Variants in TRMT2B observed in about 807,000 individuals in gnomAD.
TRMT2B encodes tRNA (uracil-5-)-methyltransferase homolog B.
TRMT2B carries 34 observed loss-of-function variants against 39.7 expected under a neutral mutation model. The observed-to-expected ratio is 0.86, with a 90% CI of 0.65 to 1.14. The LOEUF (loss-of-function observed/expected upper bound fraction) is 1.14. Among genes scored for constraint, TRMT2B ranks in the 50% most tolerant of loss-of-function variants. The pLI, the probability that TRMT2B is intolerant of heterozygous loss-of-function variation, is 0.00. For missense variants in TRMT2B, 318 were observed against 377.2 expected (o/e 0.84, Z 1.30); for synonymous variants, 132 against 137.3 (o/e 0.96, Z 0.27).
chrX:101,006,289 C>A (rs965944567), downstream of TRMT2B, among the ~76,000 whole-genome samples: 1 of 111,398 alleles, frequency 9.0e-6, no homozygotes, highest in African/African-American at 3.3e-5. Context: ...GGTATAAACT[C>A]CTTATCTTTT....
the TRMT2B span, chrX:100,986,717 C>T: frequency 1.1e-5 from 7 of 618,552 alleles, 1 homozygote; most frequent in South Asian, 2.3e-4. Flanking sequence ...CCTCCTCTTT[C>T]CCTTCTTTTC....
At chrX:100,997,494 T>C in the TRMT2B span, among the ~76,000 whole-genome samples, 1 of 111,743 alleles carries the variant, frequency 8.9e-6, no homozygotes, top group Non-Finnish European at 1.9e-5. Flanking sequence ...TAATTCAGGA[T>C]CCCATACAAC....
At chrX:100,992,141 C>A in the TRMT2B span, among the ~76,000 whole-genome samples, 1 of 110,717 alleles carries the variant, frequency 9.0e-6, no homozygotes, top group South Asian at 3.9e-4. Flanking sequence ...ATCATACATA[C>A]CCACAAAATG....
intron 4 of TRMT2B, among the ~76,000 whole-genome samples, chrX:101,039,091 C>T (rs868416902): frequency 4.6e-5 from 5 of 107,740 alleles, no homozygotes; most frequent in African/African-American, 1.7e-4. Context: ...TTTTTTGAGA[C>T]GGAGTCTCAC....
intron 2 of TRMT2B, among the ~76,000 whole-genome samples, chrX:101,048,651 C>T (rs896111451): frequency 4.5e-5 from 5 of 111,636 alleles, no homozygotes; most frequent in African/African-American, 1.6e-4. Context: ...TGTTGGCCAC[C>T]CTGGTCTCGA....
chrX:101,033,081 C>A (rs904141887), intron 7 of TRMT2B, among the ~76,000 whole-genome samples: 4 of 107,371 alleles, frequency 3.7e-5, no homozygotes, highest in Non-Finnish European at 7.7e-5. Context: ...CATGGTGAAA[C>A]CCCATCTCTA....
At chrX:100,996,778 G>C in the TRMT2B span, among the ~76,000 whole-genome samples, 1 of 110,610 alleles carries the variant, frequency 9.0e-6, no homozygotes, top group Non-Finnish European at 1.9e-5. Flanking sequence ...CAGGCATGTT[G>C]GCACATGCCT....
chrX:101,049,486 CCAAAAAA>C (rs1301102774), intron 2 of TRMT2B, among the ~76,000 whole-genome samples: 1 of 43,028 alleles, frequency 2.3e-5, no homozygotes, highest in African/African-American at 1.4e-4. Flanking sequence ...GACCCTGTCT[CCAAAAAA>C]AAAAAAAAAA....
chrX:100,999,766 A>G, the TRMT2B span, among the ~76,000 whole-genome samples: 1 of 112,094 alleles, frequency 8.9e-6, no homozygotes, highest in Non-Finnish European at 1.9e-5. Flanking sequence ...ACCCTGACTG[A>G]CTGCAAATTA....
At chrX:101,018,272 G>A (rs1222409152) in intron 13 of TRMT2B, among the ~76,000 whole-genome samples, 2 of 109,999 alleles carry the variant, frequency 1.8e-5, no homozygotes, top group African/African-American at 3.3e-5. Context: ...AGCCCCAGGA[G>A]GTCAAGACTT....
the TRMT2B span, chrX:100,985,669 C>T: frequency 8.3e-7 from 1 of 1,207,666 alleles, no homozygotes; most frequent in Non-Finnish European, 1.1e-6. Context: ...ATGCACAGTA[C>T]TTCCCAGTAA....
chrX:100,974,810 G>C, the TRMT2B span, among the ~76,000 whole-genome samples: 1 of 111,879 alleles, frequency 8.9e-6, no homozygotes, highest in Non-Finnish European at 1.9e-5. Context: ...ACCAATCAAA[G>C]AAGCCAGCAC....
chrX:100,984,455 A>T, the TRMT2B span, among the ~76,000 whole-genome samples: 1 of 110,729 alleles, frequency 9.0e-6, no homozygotes, highest in African/African-American at 3.3e-5. Flanking sequence ...ACCGTTTTCA[A>T]CTCCATTTCT....
At chrX:100,986,328 T>C in the TRMT2B span, among the ~76,000 whole-genome samples, 1 of 111,443 alleles carries the variant, frequency 9.0e-6, no homozygotes, top group African/African-American at 3.3e-5. Flanking sequence ...TCTGATCAGA[T>C]TGCTCAAAAG....
At position 101,018,594 on chromosome X, in the gene TRMT2B, C is replaced by T. The variant is rs752193788; in HGVS notation, c.1388+377G>A. 1.4e-4 allele frequency among the ~76,000 whole-genome samples: 15 copies of T among 110,004 alleles called. No homozygotes were observed. In the South Asian group the frequency reaches 1.6e-3, roughly 12 times the overall value. ...CCACCCGAGTAGCTGGGATTACAGG[C>T]GCACGCCACCATGCCCAGCTAATCT... On this transcript the variant is annotated intron_variant, in intron 13 of 13. Transcript: ENST00000372936.
intron 7 of TRMT2B, among the ~76,000 whole-genome samples, chrX:101,025,898 G>A (rs1879698972): frequency 9.1e-6 from 1 of 110,026 alleles, no homozygotes; most frequent in African/African-American, 3.3e-5. Flanking sequence ...GTTGTAGTGA[G>A]CTGAGATTGT....
At chrX:101,036,379 A>G (rs1229211911) in intron 6 of TRMT2B, among the ~76,000 whole-genome samples, 1 of 95,433 alleles carries the variant, frequency 1.0e-5, no homozygotes, top group African/African-American at 4.0e-5. Context: ...CGGGAGGCGG[A>G]GGTTGCAGTG....
chrX:100,999,696 C>T, the TRMT2B span, among the ~76,000 whole-genome samples: 1 of 111,919 alleles, frequency 8.9e-6, no homozygotes, highest in Non-Finnish European at 1.9e-5. Flanking sequence ...TGGAAAGATC[C>T]CTGGGAGATT....
chrX:100,978,290 C>T, the TRMT2B span, among the ~76,000 whole-genome samples: 1 of 111,873 alleles, frequency 8.9e-6, no homozygotes, highest in African/African-American at 3.2e-5. Flanking sequence ...TCTGTCCAAA[C>T]TGAAAGTGGG....
Sources: gnomAD v4.1 joint callset for allele counts (sites outside exome capture counted in the v4.1 genomes callset) on GRCh38, gnomAD v4.1.1 for gene constraint, MANE v1.5 for transcripts, NCBI Gene and HGNC (gene_info 2026-07-23, HGNC 2026-07-21) for gene names.